DPF3: variants seen among roughly 807,000 people sequenced by gnomAD.
The protein encoded by DPF3 is double PHD fingers 3.
Under a neutral mutation model 56.8 loss-of-function variants are expected in DPF3, and 18 were observed. The observed-to-expected ratio is 0.32, with a 90% CI of 0.22 to 0.47. DPF3 has a LOEUF of 0.47. Ranked by LOEUF, DPF3 falls within the 20% of genes least tolerant of loss-of-function variation. DPF3 has a pLI of 1.00. For synonymous variants in DPF3, 188 were observed against 180.2 expected (o/e 1.04, Z -0.35); for missense variants, 403 against 488.8 (o/e 0.82, Z 1.65).
intron 1 of DPF3, among the ~76,000 whole-genome samples, chr14:72,838,179 A>C (rs1007571136): frequency 2.0e-5 from 3 of 152,194 alleles, no homozygotes; most frequent in Non-Finnish European, 4.4e-5. Context: ...TGCTCCTGGA[A>C]GTCATTGATG....
intron 7 of DPF3, among the ~76,000 whole-genome samples, chr14:72,682,444 T>A (rs1014173915): frequency 6.6e-6 from 1 of 152,192 alleles, no homozygotes; most frequent in African/African-American, 2.4e-5. Flanking sequence ...AACAAAGTGA[T>A]GTCACTCCCC....
intron 6 of DPF3, among the ~76,000 whole-genome samples, chr14:72,693,743 G>A (rs1486125140): frequency 6.6e-6 from 1 of 152,228 alleles, no homozygotes; most frequent in African/African-American, 2.4e-5. Flanking sequence ...CACACAACTA[G>A]TGTGGCAGAG....
intron 6 of DPF3, among the ~76,000 whole-genome samples, chr14:72,712,482 G>A (rs1258891904): frequency 6.6e-6 from 1 of 152,182 alleles, no homozygotes; most frequent in Non-Finnish European, 1.5e-5. Context: ...GGATTATGAT[G>A]GGCTGGGAAT....
At chr14:72,879,758 C>T in intron 1 of DPF3, 1 of 1,509,626 alleles carries the variant, frequency 6.6e-7, no homozygotes, top group Non-Finnish European at 8.8e-7. Context: ...AGAGCATCCC[C>T]TCAGACTAAC....
chr14:72,754,458 C>T (rs891361097), intron 2 of DPF3, among the ~76,000 whole-genome samples: 1 of 152,192 alleles, frequency 6.6e-6, no homozygotes, highest in Non-Finnish European at 1.5e-5. Context: ...AGAGCAGAAC[C>T]AAACTAAATA....
chr14:72,747,714 G>A (rs1324578075), intron 3 of DPF3, among the ~76,000 whole-genome samples: 2 of 152,038 alleles, frequency 1.3e-5, no homozygotes, highest in African/African-American at 2.4e-5. Context: ...ATTCCCACGT[G>A]GGAGGGACCC....
chr14:72,723,832 C>A (rs1156540539), intron 4 of DPF3, 104 bp from the exon 5 acceptor site: 1 of 1,188,406 alleles, frequency 8.4e-7, no homozygotes, highest in Non-Finnish European at 1.2e-6. Context: ...TATTTTTTAA[C>A]AAAGTGAAGA....
intron 1 of DPF3, among the ~76,000 whole-genome samples, chr14:72,850,990 A>T (rs1026908909): frequency 3.9e-5 from 6 of 152,194 alleles, no homozygotes; most frequent in Non-Finnish European, 5.9e-5. Flanking sequence ...GCAGCTGCTG[A>T]TGGTTGCCAT....
chr14:72,705,147 TTACAGCTGCTC>T (rs1317835999), intron 6 of DPF3, among the ~76,000 whole-genome samples: 21 of 152,276 alleles, frequency 1.4e-4, no homozygotes, highest in African/African-American at 5.1e-4. Flanking sequence ...TCATCTGTAT[TTACAGCTGCTC>T]CTCATCACTC....
intron 2 of DPF3, among the ~76,000 whole-genome samples, chr14:72,760,657 C>G (rs992710256): frequency 6.6e-6 from 1 of 152,006 alleles, no homozygotes; most frequent in African/African-American, 2.4e-5. Flanking sequence ...AAGATGTACA[C>G]TATAAACACT....
chr14:72,751,131 T>C (rs921622834), intron 3 of DPF3, among the ~76,000 whole-genome samples: 9 of 152,066 alleles, frequency 5.9e-5, no homozygotes, highest in Non-Finnish European at 1.2e-4. Context: ...TTGGAGGCTA[T>C]AGTGAGCTCA....
intron 1 of DPF3, among the ~76,000 whole-genome samples, chr14:72,800,110 G>A (rs1012484142): frequency 1.3e-5 from 2 of 152,172 alleles, no homozygotes; most frequent in East Asian, 1.9e-4. Flanking sequence ...TAATAAGGCT[G>A]AGGAAGAACC....
At chr14:72,770,800 C>T (rs1415739587) in intron 2 of DPF3, among the ~76,000 whole-genome samples, 1 of 152,190 alleles carries the variant, frequency 6.6e-6, no homozygotes, top group Non-Finnish European at 1.5e-5. Flanking sequence ...ATTCCTGTAG[C>T]TGTCTCCCTA....
At chr14:72,679,286 T>C (rs1887052272) in intron 7 of DPF3, 1 of 152,284 alleles carries the variant, frequency 6.6e-6, no homozygotes, top group African/African-American at 2.4e-5. Flanking sequence ...AGACCAGAGC[T>C]GCGTCCCAAG....
chr14:72,643,753 T>C (rs755439967), intron 8 of DPF3, among the ~76,000 whole-genome samples: 1 of 152,236 alleles, frequency 6.6e-6, no homozygotes, highest in Non-Finnish European at 1.5e-5. Flanking sequence ...AAAAGACGGC[T>C]GGCATCCAAA....
rs546502228 is a variant in DPF3 at position 72,805,127 on chromosome 14, C to G, written c.33-33234G>C. The stretch of plus-strand genomic sequence containing the variant: ...GGTGCAGCCCCAGCCTCCCACAGGA[C>G]CTGCCTATACAGGCCATGACTGAAG... On this transcript the variant is annotated intron_variant, in intron 1 of 10. Transcript: ENST00000556509. Among the ~76,000 whole-genome samples the G allele has an allele frequency of 5.8e-3, 867 of 149,540 alleles. 8 individuals carry two copies. Among genetic ancestry groups the G allele is most frequent in the African/African-American group, 0.02 (824 of 40,338 alleles).
chr14:72,893,006 AGG>A (rs1886828092), intron 1 of DPF3, among the ~76,000 whole-genome samples: 1 of 123,746 alleles, frequency 8.1e-6, no homozygotes, highest in African/African-American at 3.1e-5. Flanking sequence ...GAAGGAAGGA[AGG>A]AAGGAAGGAA....
intron 6 of DPF3, among the ~76,000 whole-genome samples, chr14:72,708,019 T>C (rs78248640): frequency 0.027 from 4,093 of 152,302 alleles, 83 homozygotes; most frequent in Non-Finnish European, 0.044. Context: ...TTATGGGTCA[T>C]CTACACAGAA....
chr14:72,650,182 G>A (rs990318104), intron 8 of DPF3, among the ~76,000 whole-genome samples: 1 of 152,168 alleles, frequency 6.6e-6, no homozygotes, highest in Admixed American at 6.5e-5. Flanking sequence ...GATGAGGGGG[G>A]ACTGCTCATT....
Sources: gnomAD v4.1 joint callset for allele counts (sites outside exome capture counted in the v4.1 genomes callset) on GRCh38, gnomAD v4.1.1 for gene constraint, MANE v1.5 for transcripts, NCBI Gene and HGNC (gene_info 2026-07-23, HGNC 2026-07-21) for gene names.